RIOK1: variants seen among roughly 807,000 people sequenced by gnomAD.
The protein encoded by RIOK1 is RIO kinase 1.
In RIOK1, 66 loss-of-function variants were observed where a neutral mutation model predicts 73.5. The ratio of observed to expected loss-of-function variants is 0.90; its 90% CI spans 0.74 to 1.10. The LOEUF (loss-of-function observed/expected upper bound fraction) is 1.10. Among genes scored for constraint, RIOK1 ranks in the 50% least tolerant of loss-of-function variants. The probability of loss-of-function intolerance (pLI) is 0.00; values close to 1 mark genes in which losing one functional copy is unlikely to be tolerated. For missense variants in RIOK1, 658 were observed against 699.8 expected, an observed-to-expected ratio of 0.94 and a Z score of 0.67; for synonymous variants, 224 against 226.8, an observed-to-expected ratio of 0.99 and a Z score of 0.11.
chr6:7,405,182 A>G (rs1761714465), intron 11 of RIOK1, 67 bp from the exon 12 acceptor site: 3 of 1,127,720 alleles, frequency 2.7e-6, no homozygotes, highest in South Asian at 1.3e-5. Flanking sequence ...TTGTTTCTCT[A>G]TAAGGTAGTT....
Position 7,401,008 on chromosome 6 carries a change from A to G in RIOK1, c.531A>G (p.Gly177=), listed in dbSNP as rs1470420802. Residue 177 remains glycine, a synonymous_variant, in exon 6 of 17, where the codon GGA becomes GGG. Transcript: ENST00000379834. ...RMILFKMLTR[G]IITEINGCIS... is the part of the protein sequence containing the mutation. ...TTTTATTCAAGATGTTGACTAGAGG[A>G]ATCATAACAGAGATAAATGGCTGCA... The G allele has an allele frequency of 1.9e-6, 3 of 1,611,378 alleles. No individual in the cohort carries two copies. The highest frequency in any genetic ancestry group is 2.5e-6 in the Non-Finnish European group (3 of 1,178,244).
chr6:7,409,965 G>A (rs752864794), intron 12 of RIOK1, among the ~76,000 whole-genome samples: 5 of 152,130 alleles, frequency 3.3e-5, no homozygotes, highest in Non-Finnish European at 7.3e-5. Flanking sequence ...CAATAAAGCC[G>A]TATATTCAAG....
intron 5 of RIOK1, among the ~76,000 whole-genome samples, chr6:7,399,564 A>T (rs1370322904): frequency 6.6e-6 from 1 of 152,228 alleles, no homozygotes; most frequent in Non-Finnish European, 1.5e-5. Flanking sequence ...TGAATGATAG[A>T]GTACATAGCT....
In RIOK1 at chr6:7,409,372, A is replaced by G. The variant is rs1369523758; in HGVS notation, c.1204-1014A>G. ...CGGGTTCAAGTGATTCTCCTGCCTC[A>G]GCCTCCAAGTAACTGAGATTTCAGG... On this transcript the variant is annotated intron_variant, in intron 12 of 16. Coordinates refer to ENST00000379834, the MANE Select transcript of RIOK1 (RefSeq NM_031480.3). 2.0e-5 allele frequency among the ~76,000 whole-genome samples: 3 copies of G among 151,996 alleles called. No homozygotes were observed. In the East Asian group the frequency reaches 5.8e-4, roughly 29 times the overall value.
chr6:7,392,371 T>G (rs1036498961), intron 1 of RIOK1, among the ~76,000 whole-genome samples: 5 of 152,188 alleles, frequency 3.3e-5, no homozygotes, highest in African/African-American at 7.2e-5. Context: ...GGTCCCTGTA[T>G]TCACCATTTC....
intron 4 of RIOK1, among the ~76,000 whole-genome samples, chr6:7,397,866 G>A (rs920046655): frequency 9.9e-5 from 15 of 152,214 alleles, no homozygotes; most frequent in African/African-American, 3.4e-4. Flanking sequence ...AAACTGCCAG[G>A]TGCAGTGGCT....
At chr6:7,401,920 T>G (rs559321915) in intron 6 of RIOK1, among the ~76,000 whole-genome samples, 92 of 151,118 alleles carry the variant, frequency 6.1e-4, no homozygotes, top group African/African-American at 2.1e-3. Flanking sequence ...CTGAAGTGAT[T>G]CACCCGCCTT....
At chr6:7,411,271 G>T (rs1761876525) in intron 13 of RIOK1, 61 bp from the exon 14 acceptor site, 2 of 1,574,452 alleles carry the variant, frequency 1.3e-6, no homozygotes, top group Admixed American at 3.4e-5. Flanking sequence ...GGAGGAGTAT[G>T]CTGTGTGAAT....
chr6:7,406,437 A>C (rs545633945), intron 12 of RIOK1, among the ~76,000 whole-genome samples: 2 of 152,326 alleles, frequency 1.3e-5, no homozygotes, highest in Admixed American at 1.3e-4. Context: ...ACCACTGTCT[A>C]TCTCCACACC....
chr6:7,416,500 T>A (rs1488860377), intron 16 of RIOK1, among the ~76,000 whole-genome samples: 4 of 151,912 alleles, frequency 2.6e-5, no homozygotes, highest in Non-Finnish European at 5.9e-5. Context: ...TACAAAAAAT[T>A]AGCCGGGCGT....
At chr6:7,415,098 G>A (rs1761966351) in intron 16 of RIOK1, among the ~76,000 whole-genome samples, 1 of 152,128 alleles carries the variant, frequency 6.6e-6, no homozygotes, top group African/African-American at 2.4e-5. Flanking sequence ...GGAATTTCAG[G>A]TATGCTTTAG....
chr6:7,392,274 T>C (rs560633299), intron 1 of RIOK1, among the ~76,000 whole-genome samples: 8 of 150,236 alleles, frequency 5.3e-5, no homozygotes, highest in Admixed American at 5.3e-4. Context: ...CCCTTACTGG[T>C]TGTGCTCCCT....
chr6:7,411,440 C>T lies in RIOK1; in HGVS notation c.1378C>T (p.Gln460Ter). The T allele has an allele frequency of 1.2e-6, 2 of 1,613,918 alleles. No individual in the cohort carries two copies. The highest frequency in any genetic ancestry group is 1.3e-5 in the African/African-American group (1 of 75,030). Residue 460 changes from glutamine (Q) to a stop codon, truncating the protein, a stop_gained, in exon 14 of 17, where the codon CAA (glutamine) becomes TAA (stop). Transcript: ENST00000379834. LOFTEE classifies it high-confidence loss of function. Reference sequence around the variant, plus strand: ...GGAAGAGGACATGGCCATGAATGCCCAACAAGATAATGTAAGTAGCTTGGT... The same window carrying T: ...GGAAGAGGACATGGCCATGAATGCCTAACAAGATAATGTAAGTAGCTTGGT... Reference protein sequence around the residue: ...LKEEDMAMNAQQDNILYQTVT... With the variant: ...LKEEDMAMNA
intron 2 of RIOK1, 46 bp from the exon 3 acceptor site, chr6:7,395,007 G>A (rs1207809265): frequency 6.2e-7 from 1 of 1,607,720 alleles, no homozygotes; most frequent in African/African-American, 1.3e-5. Flanking sequence ...TGAATCTTAG[G>A]TTTGTTTTTA....
chr6:7,391,272 G>A (rs1199638936), intron 1 of RIOK1, among the ~76,000 whole-genome samples: 3 of 152,178 alleles, frequency 2.0e-5, no homozygotes, highest in South Asian at 2.1e-4. Flanking sequence ...ATACCATCCT[G>A]AATGACACAG....
At chr6:7,398,676 A>G (rs760617837) in intron 4 of RIOK1, 22 bp from the exon 5 acceptor site, 25 of 1,604,110 alleles carry the variant, frequency 1.6e-5, no homozygotes, top group South Asian at 1.6e-4. Flanking sequence ...TGTGTCAACT[A>G]TACGTTTTTG....
At chr6:7,407,425 G>A (rs1377017967) in intron 12 of RIOK1, among the ~76,000 whole-genome samples, 2 of 151,866 alleles carry the variant, frequency 1.3e-5, no homozygotes, top group Non-Finnish European at 2.9e-5. Flanking sequence ...CTGATTACTA[G>A]TGACGTTGAG....
intron 12 of RIOK1, among the ~76,000 whole-genome samples, chr6:7,406,184 A>T (rs2113519276): frequency 6.6e-6 from 1 of 151,942 alleles, no homozygotes; most frequent in East Asian, 1.9e-4. Context: ...TTTTGTAGAG[A>T]CAGGGTTTCA....
chr6:7,395,193 C>G, intron 3 of RIOK1, 50 bp downstream of exon 3: 2 of 1,561,414 alleles, frequency 1.3e-6, no homozygotes, highest in Non-Finnish European at 1.7e-6. Flanking sequence ...TTTCAAAAAC[C>G]ATGGAGTGTT....
Sources: allele counts gnomAD v4.1 joint callset (sites outside exome capture counted in the v4.1 genomes callset), GRCh38; gene constraint gnomAD v4.1.1; transcripts MANE v1.5; gene names NCBI Gene and HGNC (gene_info 2026-07-23, HGNC 2026-07-21).